Variants in UHRF2 observed in about 807,000 individuals in gnomAD.
UHRF2 encodes the protein E3 ubiquitin-protein ligase UHRF2.
UHRF2 carries 23 observed loss-of-function variants against 96.8 expected under a neutral mutation model. That is an observed-to-expected ratio of 0.24 (90% CI 0.17 to 0.34). UHRF2 has a LOEUF of 0.34. UHRF2 is among the 10% of genes least tolerant of loss of function. The pLI, the probability that UHRF2 is intolerant of heterozygous loss-of-function variation, is 1.00. For synonymous variants in UHRF2, 385 were observed against 332.6 expected (o/e 1.16, Z -1.72); for missense variants, 685 against 981.5 (o/e 0.70, Z 4.04).
intron 8 of UHRF2, among the ~76,000 whole-genome samples, chr9:6,483,541 A>G (rs766912071): frequency 1.4e-4 from 22 of 152,062 alleles, no homozygotes; most frequent in Non-Finnish European, 3.1e-4. Flanking sequence ...CCGTCTGTTT[A>G]TTTTTCCCAA....
intron 13 of UHRF2, 95 bp downstream of exon 13, chr9:6,500,026 G>A (rs1303026735): frequency 4.1e-6 from 4 of 982,528 alleles, no homozygotes; most frequent in South Asian, 1.5e-5. Flanking sequence ...AGGCTGGAGT[G>A]CAGTGGAAAG....
intron 3 of UHRF2, among the ~76,000 whole-genome samples, chr9:6,455,851 G>T (rs866970811): frequency 6.6e-6 from 1 of 152,154 alleles, no homozygotes; most frequent in Admixed American, 6.5e-5. Flanking sequence ...AGGCATAGTG[G>T]CATGCGTCTG....
chr9:6,475,854 C>G (rs1269955215), intron 5 of UHRF2, among the ~76,000 whole-genome samples: 2 of 152,172 alleles, frequency 1.3e-5, no homozygotes, highest in African/African-American at 4.8e-5. Context: ...TTCATCACCT[C>G]AAACATTCTA....
chr9:6,447,488 C>T (rs539055243), intron 3 of UHRF2, among the ~76,000 whole-genome samples: 1 of 152,108 alleles, frequency 6.6e-6, no homozygotes, highest in East Asian at 1.9e-4. Flanking sequence ...TGAAGGAGAA[C>T]AGCAGTATAC....
In UHRF2 at chr9:6,477,937, A is replaced by C. The variant is rs1046624463; in HGVS notation, c.1160+129A>C. 166 of 753,474 alleles carry C rather than the reference A, an allele frequency of 2.2e-4. 1 individual carries two copies. Among genetic ancestry groups the C allele is most frequent in the Non-Finnish European group, 3.3e-4 (161 of 483,268 alleles). The allele number at this position is 753,474 out of a possible 1,614,324, so 46.7% of individuals were successfully genotyped here. The stretch of plus-strand genomic sequence containing the variant: ...GCTTAAAATGTTATGGCCAGTGGTT[A>C]CTTAGCATTCATAGCTCTATTCAAT... On this transcript the variant is annotated intron_variant, in intron 6 of 15. Transcript: ENST00000276893.
chr9:6,475,508 T>G lies in UHRF2; in HGVS notation c.973+8T>G. ...CAGATGGAAAGTTTTTAAGTATGGATTTTTGTTTTTGGTCTTAGACTACAT... is the reference window on the plus strand; with the variant it reads ...CAGATGGAAAGTTTTTAAGTATGGAGTTTTGTTTTTGGTCTTAGACTACAT... On this transcript the variant is annotated splice_region_variant and intron_variant, in intron 5 of 15. Transcript: ENST00000276893. 2 of 1,567,164 alleles carry G rather than the reference T, an allele frequency of 1.3e-6. No homozygotes were observed. Among genetic ancestry groups the G allele is most frequent in the Non-Finnish European group, 1.7e-6 (2 of 1,153,668 alleles).
chr9:6,469,659 TGTGTGTGTGTGTG>T (rs1342519696), intron 4 of UHRF2, among the ~76,000 whole-genome samples: 1 of 148,786 alleles, frequency 6.7e-6, no homozygotes, highest in Non-Finnish European at 1.5e-5. Flanking sequence ...TGATGAAAGG[TGTGTGTGTGTGTG>T]TGTGTATGTA....
chr9:6,425,318 C>G (rs940606323), intron 2 of UHRF2, among the ~76,000 whole-genome samples: 1 of 152,166 alleles, frequency 6.6e-6, no homozygotes. Context: ...CTTTGACATA[C>G]CCCCATTATT....
intron 1 of UHRF2, among the ~76,000 whole-genome samples, chr9:6,416,348 G>A (rs958730592): frequency 2.0e-5 from 3 of 152,070 alleles, no homozygotes; most frequent in African/African-American, 7.2e-5. Flanking sequence ...GATTACAGGC[G>A]TAAGCTACCG....
At chr9:6,484,366 C>T (rs995282745) in intron 8 of UHRF2, among the ~76,000 whole-genome samples, 6 of 151,510 alleles carry the variant, frequency 4.0e-5, no homozygotes, top group African/African-American at 1.2e-4. Flanking sequence ...TTAGTGGCGG[C>T]GGTGGTGGCA....
chr9:6,498,894 A>T lies in UHRF2; in HGVS notation c.1908+736A>T, dbSNP rs536575793. 3.9e-5 allele frequency: 6 copies of T among 152,330 alleles called. No individual in the cohort carries two copies. In the East Asian group the frequency reaches 1.2e-3, roughly 29 times the overall value. The allele number at this position is 152,330 out of a possible 1,614,324, so 9.4% of individuals were successfully genotyped here. A position where few individuals can be genotyped will look rare whatever the true frequency, so the allele number is the denominator to read the frequency against. ...GCCCACACTGCATGTGTAGGGGCTG[A>T]ACTATGGGCAAGTGTCTGACCACCC... is the stretch of plus-strand genomic sequence containing the variant. On this transcript the variant is annotated intron_variant, in intron 12 of 15. Coordinates refer to ENST00000276893, the MANE Select transcript of UHRF2 (RefSeq NM_152896.3).
rs758620399 is a variant in UHRF2 at position 6,481,625 on chromosome 9, CT to C, written c.1161-10del. 5.6e-6 allele frequency: 9 copies of C among 1,602,582 alleles called. No individual in the cohort carries two copies. Among genetic ancestry groups the C allele is most frequent in the East Asian group, 2.2e-5 (1 of 44,738 alleles). On this transcript the variant is annotated splice_polypyrimidine_tract_variant and intron_variant, in intron 6 of 15. Coordinates refer to ENST00000276893, the MANE Select transcript of UHRF2 (RefSeq NM_152896.3). ...ATGGTATTGTGAAAATGCCTTCGTT[CT>C]TTTTTTTCTTTTAAAGGTATTGTCC...
intron 9 of UHRF2, chr9:6,492,723 G>A (rs948006710): frequency 6.6e-6 from 1 of 151,742 alleles, no homozygotes; most frequent in Admixed American, 6.6e-5. Context: ...AGGATTAATT[G>A]TGCACTGATA....
At position 6,501,225 on chromosome 9, in the gene UHRF2, G is replaced by A. The variant is rs80096444; in HGVS notation, c.2163+516G>A. Among the ~76,000 whole-genome samples the A allele has an allele frequency of 8.1e-3, 1,238 of 152,130 alleles. 3 individuals are homozygous for A. The highest frequency in any genetic ancestry group is 0.039 in the South Asian group (189 of 4,802). On this transcript the variant is annotated intron_variant, in intron 14 of 15. Coordinates refer to ENST00000276893, the MANE Select transcript of UHRF2 (RefSeq NM_152896.3). ...GGAATCACAGTTAATTAATGTGTGG[G>A]CTTTGTGTTAAGCTGTGTTTTGCAA... is the stretch of plus-strand genomic sequence containing the variant.
At chr9:6,429,772 T>A (rs958611979) in intron 2 of UHRF2, among the ~76,000 whole-genome samples, 1 of 152,256 alleles carries the variant, frequency 6.6e-6, no homozygotes, top group Non-Finnish European at 1.5e-5. Context: ...CACTGCAAGA[T>A]GCTGGGACAA....
At chr9:6,488,802 T>G (rs1031663678) in intron 9 of UHRF2, among the ~76,000 whole-genome samples, 4 of 145,592 alleles carry the variant, frequency 2.7e-5, no homozygotes, top group East Asian at 2.0e-4. Flanking sequence ...GTGCTGAGTG[T>G]TTTTTTTTTG....
At chr9:6,441,648 A>G (rs1821171498) in intron 3 of UHRF2, among the ~76,000 whole-genome samples, 1 of 152,130 alleles carries the variant, frequency 6.6e-6, no homozygotes, top group African/African-American at 2.4e-5. Flanking sequence ...TTAACTAAAT[A>G]TATTTTAAAG....
chr9:6,502,590 A>T (rs145773617), intron 14 of UHRF2, among the ~76,000 whole-genome samples: 1 of 152,192 alleles, frequency 6.6e-6, no homozygotes, highest in African/African-American at 2.4e-5. Flanking sequence ...GCTCTGTTTC[A>T]TCAGTTATTA....
At chr9:6,441,389 G>GA (rs201426021) in intron 3 of UHRF2, among the ~76,000 whole-genome samples, 3,000 of 137,812 alleles carry the variant, frequency 0.022, 103 homozygotes, top group African/African-American at 0.074. Flanking sequence ...CTCCCAAAAA[G>GA]AAAAAAAAAA....
Sources: gnomAD v4.1 joint callset for allele counts (sites outside exome capture counted in the v4.1 genomes callset) on GRCh38, gnomAD v4.1.1 for gene constraint, MANE v1.5 for transcripts, NCBI Gene and HGNC (gene_info 2026-07-23, HGNC 2026-07-21) for gene names.